Variants in SCN9A observed in about 807,000 individuals in gnomAD.
SCN9A encodes the protein sodium voltage-gated channel alpha subunit 9, also known as sodium channel protein type 9 subunit alpha.
In SCN9A, 131 loss-of-function variants were observed where a neutral mutation model predicts 187.0. The ratio of observed to expected loss-of-function variants is 0.70; its 90% CI spans 0.61 to 0.81. The LOEUF (loss-of-function observed/expected upper bound fraction) is 0.81, where lower values mean the gene tolerates loss of function less well. Among genes scored for constraint, SCN9A ranks in the 30% least tolerant of loss-of-function variants. SCN9A has a pLI of 0.00. For synonymous variants in SCN9A, 809 were observed against 808.6 expected (o/e 1.00, Z -0.01); for missense variants, 2,252 against 2,396.6 (o/e 0.94, Z 1.26).
chr2:166,253,660 G>T (rs1696144360), intron 17 of SCN9A, among the ~76,000 whole-genome samples: 1 of 151,664 alleles, frequency 6.6e-6, no homozygotes, highest in Non-Finnish European at 1.5e-5. Context: ...AGTTTTAATG[G>T]CTTCAATTCC....
At chr2:166,269,791 C>T (rs1408526562) in intron 17 of SCN9A, among the ~76,000 whole-genome samples, 1 of 151,998 alleles carries the variant, frequency 6.6e-6, no homozygotes, top group Non-Finnish European at 1.5e-5. Flanking sequence ...GAAATAATTC[C>T]TCATAAATGT....
chr2:166,254,089 C>T (rs1426213406), intron 17 of SCN9A, among the ~76,000 whole-genome samples: 1 of 151,184 alleles, frequency 6.6e-6, no homozygotes, highest in Non-Finnish European at 1.5e-5. Context: ...GTTGTTGAAA[C>T]TTTTTTTCAT....
chr2:166,200,785 G>A (rs78559117), intron 26 of SCN9A, among the ~76,000 whole-genome samples: 2 of 152,036 alleles, frequency 1.3e-5, no homozygotes, highest in African/African-American at 2.4e-5. Context: ...ACAGGCATGC[G>A]CCACCACACC....
chr2:166,259,215 A>T (rs1696404142), intron 17 of SCN9A: 2 of 151,666 alleles, frequency 1.3e-5, no homozygotes, highest in South Asian at 4.1e-4. Flanking sequence ...CCTGTGTAAA[A>T]GTGGTGACAT....
At chr2:166,285,808 A>G (rs1021650705) in intron 11 of SCN9A, among the ~76,000 whole-genome samples, 4 of 152,124 alleles carry the variant, frequency 2.6e-5, no homozygotes, top group Admixed American at 6.5e-5. Context: ...TGAAAAGAGA[A>G]AGGGAAAGAG....
intron 24 of SCN9A, 69 bp from the exon 25 acceptor site, chr2:166,204,533 C>T (rs953148127): frequency 4.3e-6 from 4 of 921,976 alleles, no homozygotes; most frequent in Admixed American, 2.6e-5. Flanking sequence ...CTATAGATTA[C>T]TAAAATAGGT....
chr2:166,313,067 T>C (rs1425632360), intron 1 of SCN9A, among the ~76,000 whole-genome samples: 4 of 149,170 alleles, frequency 2.7e-5, no homozygotes, highest in African/African-American at 9.7e-5. Context: ...AATTATTTAA[T>C]TTTCTGAATA....
At position 166,272,415 on chromosome 2, in the gene SCN9A, C is replaced by T; in HGVS notation, c.3335G>A (p.Ser1112Asn). Residue 1112 changes from serine (S) to asparagine (N), a missense_variant, in exon 17 of 27, where the codon AGT becomes AAT. Physicochemically the swap from Ser to Asn is conservative, Grantham distance 46. This residue lies in a region of SCN9A where 313 missense variants were observed against 295.3 expected (regional missense o/e 1.06). Coordinates refer to ENST00000642356, the MANE Select transcript of SCN9A (RefSeq NM_001365536.1). ...CATTCTTACCACTTTGCTGTATTCACTATCCGAATCACTGCTAAGTTCCTC... is the reference window on the plus strand; with the variant it reads ...CATTCTTACCACTTTGCTGTATTCATTATCCGAATCACTGCTAAGTTCCTC... Reference protein sequence around the residue: ...NAEELSSDSDSEYSKVRLNRS... With the variant: ...NAEELSSDSDNEYSKVRLNRS... The T allele has an allele frequency of 6.3e-7, 1 of 1,591,468 alleles. No individual in the cohort carries two copies. Among genetic ancestry groups the T allele is most frequent in the Non-Finnish European group, 8.6e-7 (1 of 1,165,642 alleles).
intron 1 of SCN9A, among the ~76,000 whole-genome samples, chr2:166,370,235 A>AATAATCATCATC (rs1553507745): frequency 1.2e-4 from 16 of 137,164 alleles, no homozygotes; most frequent in African/African-American, 3.9e-4. Flanking sequence ...TAATAATAAT[A>AATAATCATCATC]ATCATCATCA....
At chr2:166,322,949 A>T (rs941735387) in intron 1 of SCN9A, among the ~76,000 whole-genome samples, 5 of 152,174 alleles carry the variant, frequency 3.3e-5, no homozygotes, top group African/African-American at 1.2e-4. Flanking sequence ...ATTTTAAACA[A>T]TACAAGAGTA....
At position 166,198,604 on chromosome 2, in the gene SCN9A, CAAA is replaced by C; in HGVS notation, c.*65_*67del. ...AAAAGGATTTTGGCATAGACTTCCTCAAAAGAGTTTTATTAACACAAATAAATC... is the reference window on the plus strand; with the variant it reads ...AAAAGGATTTTGGCATAGACTTCCTCAGAGTTTTATTAACACAAATAAATC... On this transcript the variant is annotated 3_prime_UTR_variant, in exon 27 of 27. Coordinates refer to ENST00000642356, the MANE Select transcript of SCN9A (RefSeq NM_001365536.1). The C allele has an allele frequency of 1.6e-6, 2 of 1,244,664 alleles. No individual in the cohort carries two copies. The highest frequency in any genetic ancestry group is 3.0e-5 in the African/African-American group (2 of 65,668). 77.1% of individuals were successfully genotyped at this position (1,244,664 alleles called of 1,614,324 possible).
intron 1 of SCN9A, among the ~76,000 whole-genome samples, chr2:166,313,871 A>C (rs1046646956): frequency 1.3e-5 from 2 of 152,168 alleles, no homozygotes; most frequent in Non-Finnish European, 2.9e-5. Context: ...GAAATGCGCA[A>C]TTCTTCCTTT....
At chr2:166,339,997 G>A (rs1000621038) in intron 1 of SCN9A, among the ~76,000 whole-genome samples, 1 of 152,142 alleles carries the variant, frequency 6.6e-6, no homozygotes, top group African/African-American at 2.4e-5. Flanking sequence ...TGGTGAGGAA[G>A]TTACACGGGT....
Position 166,228,832 on chromosome 2 carries a change from A to C in SCN9A, c.4065T>G (p.Asp1355Glu). Residue 1355 changes from aspartate (D) to glutamate (E), a missense_variant, in exon 22 of 27, where the codon GAT (aspartate) becomes GAG (glutamate). Around this residue, in one of 7 missense-constraint regions of SCN9A, gnomAD observed 368 missense variants for 408.6 expected, o/e 0.90. Coordinates refer to ENST00000642356, the MANE Select transcript of SCN9A (RefSeq NM_001365536.1). ...GKFYECINTT[D>E]GSRFPASQVP... The stretch of plus-strand genomic sequence containing the variant: ...CTTGACTTGCAGGAAACCGTGACCC[A>C]TCTGTGGTGTTAATACACTCATAGA... The C allele has an allele frequency of 6.2e-7, 1 of 1,613,982 alleles. No homozygotes were observed. The highest frequency in any genetic ancestry group is 8.5e-7 in the Non-Finnish European group (1 of 1,179,882).
intron 6 of SCN9A, chr2:166,303,969 T>C (rs1462306803): frequency 6.8e-7 from 1 of 1,466,804 alleles, no homozygotes; most frequent in Non-Finnish European, 9.4e-7. Context: ...TAAAGAAAGG[T>C]TTTTTTTATG....
chr2:166,222,253 T>G (rs957962441), intron 24 of SCN9A, among the ~76,000 whole-genome samples: 2 of 152,206 alleles, frequency 1.3e-5, no homozygotes. Context: ...AGGGAACTCC[T>G]GCAACTTAAG....
At chr2:166,299,194 A>G in intron 7 of SCN9A, among the ~76,000 whole-genome samples, 1 of 151,356 alleles carries the variant, frequency 6.6e-6, no homozygotes, top group Admixed American at 6.6e-5. Flanking sequence ...AAACATCCAT[A>G]CAAAAACCCA....
chr2:166,311,955 T>A, intron 1 of SCN9A, 149 bp from the exon 2 acceptor site: 4 of 439,880 alleles, frequency 9.1e-6, no homozygotes, highest in Non-Finnish European at 1.6e-5. Context: ...GGGATTACTA[T>A]GTGTCAGGCA....
intron 24 of SCN9A, among the ~76,000 whole-genome samples, chr2:166,213,490 A>AATAATAATG (rs1553476067): frequency 3.8e-4 from 56 of 147,578 alleles, no homozygotes; most frequent in Admixed American, 1.2e-3. Flanking sequence ...TAATAATAAT[A>AATAATAATG]ATAATGATAA....
Sources: gnomAD v4.1 joint callset for allele counts (sites outside exome capture counted in the v4.1 genomes callset) on GRCh38, gnomAD v4.1.1 for gene constraint, gnomAD v4.1.1 regional missense constraint, MANE v1.5 for transcripts, NCBI Gene and HGNC (gene_info 2026-07-23, HGNC 2026-07-21) for gene names.